SGK2: variants seen among roughly 807,000 people sequenced by gnomAD.
SGK2 encodes the protein serum/glucocorticoid regulated kinase 2.
Under a neutral mutation model 47.5 loss-of-function variants are expected in SGK2, and 36 were observed. That is an observed-to-expected ratio of 0.76 (90% CI 0.58 to 1.00). SGK2 has a LOEUF of 1.00. Ranked by LOEUF, SGK2 falls within the 50% of genes least tolerant of loss-of-function variation. SGK2 has a pLI of 0.00. For synonymous variants in SGK2, 157 were observed against 181.9 expected (o/e 0.86, Z 1.10); for missense variants, 404 against 467.4 (o/e 0.86, Z 1.25).
intron 12 of SGK2, among the ~76,000 whole-genome samples, chr20:43,581,616 G>C (rs184881434): frequency 1.3e-5 from 2 of 152,060 alleles, no homozygotes; most frequent in South Asian, 4.1e-4. Flanking sequence ...GCAGTGGCAC[G>C]ATCTCAGGTT....
intron 5 of SGK2, among the ~76,000 whole-genome samples, 197 bp downstream of exon 5, chr20:43,568,196 G>A (rs538167116): frequency 6.6e-6 from 1 of 152,252 alleles, no homozygotes; most frequent in Admixed American, 6.5e-5. Flanking sequence ...CTCACCACAG[G>A]GCTTTCAGGA....
chr20:43,561,746 A>T (rs1041139280), intron 1 of SGK2, among the ~76,000 whole-genome samples: 1 of 152,114 alleles, frequency 6.6e-6, no homozygotes, highest in African/African-American at 2.4e-5. Context: ...TGAGCAACTA[A>T]GGCACATGAT....
chr20:43,575,403 G>T (rs1980401405), intron 10 of SGK2, among the ~76,000 whole-genome samples: 1 of 146,020 alleles, frequency 6.8e-6, no homozygotes, highest in Non-Finnish European at 1.5e-5. Context: ...GGCAGGGGCT[G>T]CAGTGAACCG....
At chr20:43,563,135 C>CAAAAAAAAAAAAAAAAA in intron 1 of SGK2, among the ~76,000 whole-genome samples, 1 of 70,638 alleles carries the variant, frequency 1.4e-5, no homozygotes, top group Non-Finnish European at 2.9e-5. Flanking sequence ...GACTCTGTCT[C>CAAAAAAAAAAAAAAAAA]AAAAAAAAAA....
chr20:43,580,400 G>A (rs943920025), intron 12 of SGK2, among the ~76,000 whole-genome samples: 8 of 152,036 alleles, frequency 5.3e-5, no homozygotes, highest in African/African-American at 1.7e-4. Flanking sequence ...ACTTTTTCCT[G>A]ATAATAAAAA....
rs917373929 is a variant in SGK2 at position 43,570,640 on chromosome 20, G to A, written c.384G>A (p.Glu128=). ...GGELFFHLQR[E]RRFLEPRARF... Reference sequence around the variant, plus strand: ...AGCTCTTCTTCCACCTGCAGCGGGAGCGCCGGTTCCTGGAGCCCCGGGCCA... The same window carrying A: ...AGCTCTTCTTCCACCTGCAGCGGGAACGCCGGTTCCTGGAGCCCCGGGCCA... Residue 128 remains glutamate, a synonymous_variant, in exon 7 of 13, where the codon GAG becomes GAA. Coordinates refer to ENST00000373100, the MANE Select transcript of SGK2 (RefSeq NM_170693.3). 1.9e-6 allele frequency: 3 copies of A among 1,610,470 alleles called. No individual in the cohort carries two copies. Among genetic ancestry groups the A allele is most frequent in the African/African-American group, 1.3e-5 (1 of 74,984 alleles).
rs1037667328 is a variant in SGK2, at chr20:43,572,867, T to C, written c.597+730T>C. On this transcript the variant is annotated intron_variant, in intron 9 of 12. Transcript: ENST00000373100. The surrounding 1 kb of genome is among the most constrained non-coding windows in gnomAD (Gnocchi z 4.2). The stretch of plus-strand genomic sequence containing the variant: ...AAACTGGTTGAAATATTTTATTCCT[T>C]TTTTTTTTCTAACTAAGTCTTGAAA... 6.6e-6 allele frequency among the ~76,000 whole-genome samples: 1 copy of C among 151,596 alleles called. No individual in the cohort carries two copies. Among genetic ancestry groups the C allele is most frequent in the African/African-American group, 2.4e-5 (1 of 41,258 alleles).
intron 12 of SGK2, chr20:43,583,387 A>G (rs1980914232): frequency 8.1e-7 from 1 of 1,238,568 alleles, no homozygotes; most frequent in South Asian, 1.4e-5. Flanking sequence ...AAGTCTCTTT[A>G]GTATCATTTT....
chr20:43,580,058 T>C lies in SGK2; in HGVS notation c.936T>C (p.Asn312=). The C allele has an allele frequency of 1.3e-6, 2 of 1,592,324 alleles. No individual in the cohort carries two copies. Among genetic ancestry groups the C allele is most frequent in the Non-Finnish European group, 8.6e-7 (1 of 1,167,944 alleles). The change falls in exon 12 of 13, where the codon AAT becomes AAC. Residue 312 remains asparagine (N), a synonymous_variant. Coordinates refer to ENST00000373100, the MANE Select transcript of SGK2 (RefSeq NM_170693.3). ...HKRLTPPFNP[N]VTGPADLKHF... is the part of the protein sequence containing the mutation. ...GGCTAACTCCACCCTTCAACCCAAA[T>C]GTGGTAAGAGGTCACAGCATTCTAG...
chr20:43,567,979 T>G lies in SGK2; in HGVS notation c.208T>G (p.Ser70Ala). ...TGCAGTGAAGGTACTACAGAAAAAGTCCATCTTAAAGAAGAAAGAGGTACC... is the reference window on the plus strand; with the variant it reads ...TGCAGTGAAGGTACTACAGAAAAAGGCCATCTTAAAGAAGAAAGAGGTACC... ...FYAVKVLQKKSILKKKEQSHI... is the reference protein window; with the variant it reads ...FYAVKVLQKKAILKKKEQSHI... The change falls in exon 5 of 13, where the codon TCC becomes GCC. Residue 70 changes from serine to alanine, a missense_variant. Physicochemically the swap from Ser to Ala is moderately conservative, Grantham distance 99 (BLOSUM62 1). Transcript: ENST00000373100. 1 of 1,614,078 alleles carries G rather than the reference T, an allele frequency of 6.2e-7. No homozygotes were observed. Among genetic ancestry groups the G allele is most frequent in the African/African-American group, 1.3e-5 (1 of 75,028 alleles).
At chr20:43,566,960 C>G (rs764898164) in intron 2 of SGK2, 108 bp from the exon 3 acceptor site, 130 of 834,672 alleles carry the variant, frequency 1.6e-4, no homozygotes, top group Admixed American at 4.2e-4. Flanking sequence ...AAGAAAAAGG[C>G]AGGCAGGCCT....
intron 11 of SGK2, 52 bp downstream of exon 11, chr20:43,576,431 GCAGAGGCAGCTCAGAAGCACATTAA>G: frequency 6.6e-7 from 1 of 1,525,554 alleles, no homozygotes; most frequent in South Asian, 1.2e-5. Context: ...GCAGCTTCCT[GCAGAGGCAGCTCAGAAGCACATTAA>G]CACGCATCCT....
At chr20:43,561,346 T>G (rs1332195484) in intron 1 of SGK2, among the ~76,000 whole-genome samples, 2 of 150,830 alleles carry the variant, frequency 1.3e-5, no homozygotes, top group Non-Finnish European at 2.9e-5. Flanking sequence ...GACAGCAAGC[T>G]AGGTCATATG....
chr20:43,563,248 A>G (rs78646033), intron 1 of SGK2, among the ~76,000 whole-genome samples: 1,593 of 152,270 alleles, frequency 0.01, 26 homozygotes, highest in African/African-American at 0.036. Flanking sequence ...TGTAGACAGA[A>G]GCCCAAAGAC....
At chr20:43,582,369 C>T (rs962956439) in intron 12 of SGK2, among the ~76,000 whole-genome samples, 9 of 151,354 alleles carry the variant, frequency 5.9e-5, no homozygotes, top group African/African-American at 1.5e-4. Flanking sequence ...TTTTTATTTT[C>T]ATTTTTATTT....
chr20:43,578,737 A>G (rs545965752), intron 11 of SGK2, among the ~76,000 whole-genome samples: 1 of 152,304 alleles, frequency 6.6e-6, no homozygotes, highest in Non-Finnish European at 1.5e-5. Context: ...AAAGCTTTAC[A>G]TTCCAGTTAC....
At chr20:43,566,273 T>C (rs1189378573) in intron 1 of SGK2, 200 bp from the exon 2 acceptor site, 1 of 1,458,626 alleles carries the variant, frequency 6.9e-7, no homozygotes. Context: ...GAGATGTTTG[T>C]TAGGAAGTCT....
chr20:43,567,300 C>A (rs78357887), intron 3 of SGK2, among the ~76,000 whole-genome samples, 183 bp downstream of exon 3: 1,663 of 152,374 alleles, frequency 0.011, 22 homozygotes, highest in African/African-American at 0.038. Flanking sequence ...GCTGAACCCT[C>A]TTCCTGCAAT....
intron 1 of SGK2, among the ~76,000 whole-genome samples, chr20:43,564,540 C>T (rs1448202484): frequency 3.3e-5 from 5 of 152,174 alleles, no homozygotes; most frequent in African/African-American, 1.2e-4. Flanking sequence ...CACTGATATA[C>T]ACCACTATGA....
Sources: allele counts gnomAD v4.1 joint callset (sites outside exome capture counted in the v4.1 genomes callset), GRCh38; gene constraint gnomAD v4.1.1; non-coding constraint Gnocchi (gnomAD v3.1); transcripts MANE v1.5; gene names NCBI Gene and HGNC (gene_info 2026-07-23, HGNC 2026-07-21).